TSHZ2: variants seen among roughly 807,000 people sequenced by gnomAD.
TSHZ2 encodes the protein teashirt zinc finger homeobox 2.
A neutral mutation model predicts 74.4 loss-of-function variants in TSHZ2; 21 were observed. That is an observed-to-expected ratio of 0.28 (90% CI 0.20 to 0.41). TSHZ2 has a LOEUF of 0.41. TSHZ2 is among the 10% of genes least tolerant of loss of function. The probability of loss-of-function intolerance (pLI) is 1.00; values close to 1 mark genes in which losing one functional copy is unlikely to be tolerated. For missense variants in TSHZ2, 1,244 were observed against 1,293.5 expected (o/e 0.96, Z 0.59); for synonymous variants, 540 against 515.3 (o/e 1.05, Z -0.65).
intron 2 of TSHZ2, among the ~76,000 whole-genome samples, chr20:53,473,976 G>A (rs1985912526): frequency 6.6e-6 from 1 of 151,796 alleles, no homozygotes; most frequent in South Asian, 2.1e-4. Context: ...AAAAAGAAAT[G>A]AGCAAAGCCT....
chr20:52,988,174 A>G lies in TSHZ2; in HGVS notation c.40+14841A>G, dbSNP rs77314665. On this transcript the variant is annotated intron_variant, in intron 1 of 2. Coordinates refer to ENST00000371497, the MANE Select transcript of TSHZ2 (RefSeq NM_173485.6). ...CATGACACTAACTGTCATCGCCTTA[A>G]TGGTTACCATTTCTTGACCCATATA... Among the ~76,000 whole-genome samples the G allele has an allele frequency of 7.5e-3, 1,140 of 152,244 alleles. 11 individuals are homozygous for G. Among genetic ancestry groups the G allele is most frequent in the Middle Eastern group, 0.027 (8 of 294 alleles).
intron 1 of TSHZ2, among the ~76,000 whole-genome samples, chr20:52,976,513 T>G (rs1981345050): frequency 6.6e-6 from 1 of 152,222 alleles, no homozygotes; most frequent in Non-Finnish European, 1.5e-5. Context: ...CATTTTCCCC[T>G]TCTATGCATT....
intron 1 of TSHZ2, among the ~76,000 whole-genome samples, chr20:53,110,374 G>C (rs751643847): frequency 1.3e-5 from 2 of 151,604 alleles, no homozygotes; most frequent in African/African-American, 2.4e-5. Flanking sequence ...GCCCTCTCTT[G>C]CTGCTCACAC....
intron 2 of TSHZ2, among the ~76,000 whole-genome samples, chr20:53,371,363 G>A (rs1331712529): frequency 1.3e-5 from 2 of 152,240 alleles, no homozygotes; most frequent in Non-Finnish European, 2.9e-5. Context: ...TCTCCAGGAA[G>A]TGAATGATGA....
rs577875384 is a variant in TSHZ2 at position 53,235,272 on chromosome 20, A to G, written c.41-18227A>G. 3.3e-5 allele frequency among the ~76,000 whole-genome samples: 5 copies of G among 152,060 alleles called. No individual in the cohort carries two copies. In the South Asian group the frequency reaches 1.0e-3, roughly 32 times the overall value. ...AACCTCTGCCTCTTGGGTTCAAGTG[A>G]TCCTCCCACCTCAGCCTCCCAAGTA... is the stretch of plus-strand genomic sequence containing the variant. On this transcript the variant is annotated intron_variant, in intron 1 of 2. Coordinates refer to ENST00000371497, the MANE Select transcript of TSHZ2 (RefSeq NM_173485.6).
intron 1 of TSHZ2, among the ~76,000 whole-genome samples, chr20:53,250,484 G>GT (rs1322210345): frequency 2.0e-5 from 3 of 152,002 alleles, no homozygotes; most frequent in South Asian, 2.1e-4. Context: ...ATTGAAAGGT[G>GT]TTTTTTTAAA....
At chr20:53,283,763 C>T (rs1269089161) in intron 2 of TSHZ2, among the ~76,000 whole-genome samples, 2 of 152,138 alleles carry the variant, frequency 1.3e-5, no homozygotes, top group African/African-American at 4.8e-5. Context: ...TGAGGTCATC[C>T]TACCCAGTCA....
chr20:53,407,441 C>A (rs1331889828), intron 2 of TSHZ2, among the ~76,000 whole-genome samples: 1 of 152,138 alleles, frequency 6.6e-6, no homozygotes, highest in East Asian at 1.9e-4. Flanking sequence ...CTTTTGAATG[C>A]AATTATCACC....
intron 1 of TSHZ2, among the ~76,000 whole-genome samples, chr20:53,202,752 G>A (rs1397052530): frequency 1.3e-5 from 2 of 152,086 alleles, no homozygotes; most frequent in East Asian, 1.9e-4. Context: ...TTGATCCAAC[G>A]AAGGGAAGTC....
At chr20:53,366,924 T>C (rs895363554) in intron 2 of TSHZ2, among the ~76,000 whole-genome samples, 1 of 152,210 alleles carries the variant, frequency 6.6e-6, no homozygotes, top group African/African-American at 2.4e-5. Flanking sequence ...TTCTATCAGT[T>C]CAACTTTGTA....
chr20:52,986,949 G>A (rs1005564550), intron 1 of TSHZ2, among the ~76,000 whole-genome samples: 2 of 151,974 alleles, frequency 1.3e-5, no homozygotes, highest in African/African-American at 4.8e-5. Context: ...TGTAGGGGAA[G>A]ATGTTGCACA....
chr20:53,399,290 T>C (rs950577770), intron 2 of TSHZ2: 1 of 152,174 alleles, frequency 6.6e-6, no homozygotes, highest in African/African-American at 2.4e-5. Context: ...TGCTTGATCT[T>C]TGGTGTATCC....
intron 1 of TSHZ2, among the ~76,000 whole-genome samples, chr20:53,171,152 GA>G (rs1299916661): frequency 1.3e-5 from 2 of 152,248 alleles, no homozygotes; most frequent in African/African-American, 4.8e-5. Context: ...CCCTCGATCC[GA>G]AAGCCTTAAA....
intron 2 of TSHZ2, among the ~76,000 whole-genome samples, chr20:53,369,559 A>T (rs536375851): frequency 3.2e-4 from 48 of 151,988 alleles, no homozygotes; most frequent in Non-Finnish European, 6.8e-4. Context: ...ATACAAAAAA[A>T]AATTAGCTGG....
chr20:53,430,532 G>C (rs372763209), intron 2 of TSHZ2, among the ~76,000 whole-genome samples: 3 of 151,660 alleles, frequency 2.0e-5, no homozygotes, highest in African/African-American at 7.3e-5. Context: ...TTATATGTGA[G>C]AGAAAGAAGT....
At chr20:53,071,447 G>A (rs1431881896) in intron 1 of TSHZ2, among the ~76,000 whole-genome samples, 1 of 152,214 alleles carries the variant, frequency 6.6e-6, no homozygotes, top group Non-Finnish European at 1.5e-5. Context: ...AACTACAGCT[G>A]CCATAATTGG....
At chr20:53,161,658 G>A (rs766457534) in intron 1 of TSHZ2, among the ~76,000 whole-genome samples, 15 of 152,154 alleles carry the variant, frequency 9.9e-5, no homozygotes, top group African/African-American at 1.4e-4. Context: ...CCCATCAGAT[G>A]TTGTGAGAAC....
chr20:53,466,452 G>A (rs932984881), intron 2 of TSHZ2, among the ~76,000 whole-genome samples: 1 of 152,110 alleles, frequency 6.6e-6, no homozygotes, highest in Non-Finnish European at 1.5e-5. Context: ...CATTGGCTCT[G>A]CACTCCACTT....
At chr20:53,081,229 G>A (rs28677110) in intron 1 of TSHZ2, among the ~76,000 whole-genome samples, 11,896 of 151,908 alleles carry the variant, frequency 0.078, 1,106 homozygotes, top group African/African-American at 0.22. Flanking sequence ...ATGAGGTCTC[G>A]CTATGTTACC....
Sources: gnomAD v4.1 joint callset for allele counts (sites outside exome capture counted in the v4.1 genomes callset) on GRCh38, gnomAD v4.1.1 for gene constraint, MANE v1.5 for transcripts, NCBI Gene and HGNC (gene_info 2026-07-23, HGNC 2026-07-21) for gene names.